The following DHDDS variants were observed in gnomAD, a reference collection of about 807,000 sequenced individuals.
DHDDS encodes the protein dehydrodolichyl diphosphate synthase subunit.
A neutral mutation model predicts 46.2 loss-of-function variants in DHDDS; 16 were observed. The ratio of observed to expected loss-of-function variants is 0.35; its 90% CI spans 0.23 to 0.53. The LOEUF (loss-of-function observed/expected upper bound fraction) is 0.53, where lower values mean the gene tolerates loss of function less well. DHDDS is among the 20% of genes least tolerant of loss of function. DHDDS has a pLI of 0.94. For missense variants in DHDDS, 340 were observed against 423.7 expected (o/e 0.80, Z 1.73); for synonymous variants, 151 against 163.1 (o/e 0.93, Z 0.56).
At position 26,438,159 on chromosome 1, in the gene DHDDS, A is replaced by C. The variant is rs1252758141; in HGVS notation, c.64-9A>C. On this transcript the variant is annotated splice_polypyrimidine_tract_variant and intron_variant, in intron 2 of 8. Coordinates refer to ENST00000236342, the MANE Select transcript of DHDDS (RefSeq NM_205861.3). ...AGACCTGTTCATCATTTGTCTTCCT[A>C]TTCCACAGGCAGGCCCAATGCCGAA... The C allele has an allele frequency of 1.9e-6, 3 of 1,613,372 alleles. No individual in the cohort carries two copies. Among genetic ancestry groups the C allele is most frequent in the Non-Finnish European group, 2.5e-6 (3 of 1,179,478 alleles).
intron 6 of DHDDS, among the ~76,000 whole-genome samples, chr1:26,451,588 C>T (rs2075320995): frequency 1.3e-5 from 2 of 150,378 alleles, no homozygotes; most frequent in Non-Finnish European, 3.0e-5. Flanking sequence ...CCTGAGTAGC[C>T]AGGATTATAG....
Position 26,433,032 on chromosome 1 carries a change from G to A in DHDDS, c.63+24G>A, listed in dbSNP as rs145944731. The A allele has an allele frequency of 4.4e-4, 706 of 1,613,962 alleles. 4 individuals are homozygous for A. The African/African-American group carries it at 8.7e-3, about 20-fold the overall frequency. ...AGGTGAGCAATGGCCCAGAGCACCG[G>A]TTGGCCTTCTGGTCAGTTGGATAAT... On this transcript the variant is annotated intron_variant, in intron 2 of 8. Coordinates refer to ENST00000236342, the MANE Select transcript of DHDDS (RefSeq NM_205861.3).
At chr1:26,455,310 G>A (rs2075360769) in intron 6 of DHDDS, 1 of 516,624 alleles carries the variant, frequency 1.9e-6, no homozygotes, top group Non-Finnish European at 3.5e-6. Flanking sequence ...AGACCATGCT[G>A]CCAAGACAAG....
intron 3 of DHDDS, 25 bp from the exon 4 acceptor site, chr1:26,442,706 A>T: frequency 1.2e-6 from 2 of 1,613,798 alleles, no homozygotes; most frequent in East Asian, 2.2e-5. Context: ...CTTGTATCCT[A>T]GCTCCTTGCC....
At chr1:26,442,421 A>G (rs1447753182) in intron 3 of DHDDS, among the ~76,000 whole-genome samples, 1 of 152,258 alleles carries the variant, frequency 6.6e-6, no homozygotes, top group South Asian at 2.1e-4. Flanking sequence ...TTCCAGTCAC[A>G]TAAGTGCATG....
At chr1:26,464,842 C>T (rs537467042) in intron 8 of DHDDS, among the ~76,000 whole-genome samples, 1 of 152,282 alleles carries the variant, frequency 6.6e-6, no homozygotes, top group African/African-American at 2.4e-5. Flanking sequence ...TGCAGGAAGC[C>T]AGGGCAAGGG....
chr1:26,468,996 TG>T lies in DHDDS; in HGVS notation c.871del (p.Asp291ThrfsTer45), dbSNP rs1479679523. 1 of 1,614,000 alleles carries T rather than the reference TG, an allele frequency of 6.2e-7. No homozygotes were observed. The highest frequency in any genetic ancestry group is 8.5e-7 in the Non-Finnish European group (1 of 1,180,038). On this transcript the variant is annotated frameshift_variant, in exon 9 of 9. Transcript: ENST00000236342. LOFTEE classifies it high-confidence loss of function. ...TGCTGCGAGAGGGGCTCCAAGCCAG[TG>T]GGGACGCCCAGCTCCGAAGGACACG... Reference protein sequence around the residue: ...QLLREGLQASGDAQLRRTRLH... With the variant: ...QLLREGLQASXDAQLRRTRLH...
At chr1:26,446,537 C>A in intron 5 of DHDDS, 105 bp downstream of exon 5, 3 of 1,035,780 alleles carry the variant, frequency 2.9e-6, no homozygotes, top group Non-Finnish European at 4.5e-6. Flanking sequence ...GTGCAAGGGG[C>A]AATGAGAGAG....
At chr1:26,438,066 G>A in intron 2 of DHDDS, 102 bp from the exon 3 acceptor site, 13 of 1,243,004 alleles carry the variant, frequency 1.0e-5, no homozygotes, top group Non-Finnish European at 1.5e-5. Context: ...CTTCGTCAGG[G>A]TTTTCATCAC....
At chr1:26,436,008 C>G (rs1309043389) in intron 2 of DHDDS, among the ~76,000 whole-genome samples, 1 of 152,030 alleles carries the variant, frequency 6.6e-6, no homozygotes, top group African/African-American at 2.4e-5. Context: ...CCTTGGCCTC[C>G]CAAAGTGCTG....
At position 26,433,110 on chromosome 1, in the gene DHDDS, G is replaced by A; in HGVS notation, c.63+102G>A. ...GATGATGTTAAGTGCAATTCATGAT[G>A]TTAAGTGGAATTTAGCAAGGAAACC... On this transcript the variant is annotated intron_variant, in intron 2 of 8. Transcript: ENST00000236342. 3.2e-6 allele frequency: 4 copies of A among 1,269,564 alleles called. No individual in the cohort carries two copies. In the South Asian group the frequency reaches 3.7e-5, roughly 12 times the overall value. The allele number at this position is 1,269,564 out of a possible 1,614,324, so 78.6% of individuals were successfully genotyped here. A position where few individuals can be genotyped will look rare whatever the true frequency, so the allele number is the denominator to read the frequency against.
At chr1:26,462,309 C>A (rs1384116639) in intron 8 of DHDDS, among the ~76,000 whole-genome samples, 2 of 152,114 alleles carry the variant, frequency 1.3e-5, no homozygotes, top group Non-Finnish European at 2.9e-5. Flanking sequence ...ACATGAGCCA[C>A]CATGCCTGGC....
chr1:26,444,300 G>A (rs2075248243), intron 4 of DHDDS, among the ~76,000 whole-genome samples: 1 of 152,168 alleles, frequency 6.6e-6, no homozygotes, highest in South Asian at 2.1e-4. Context: ...GTGGGAATGG[G>A]GTAGGGGGTG....
At chr1:26,441,831 G>A (rs2075221805) in intron 3 of DHDDS, among the ~76,000 whole-genome samples, 1 of 151,588 alleles carries the variant, frequency 6.6e-6, no homozygotes, top group Non-Finnish European at 1.5e-5. Context: ...AGGAGGTGGA[G>A]GTTGTAGTGA....
chr1:26,454,884 C>T (rs1305094779), intron 6 of DHDDS: 1 of 1,595,012 alleles, frequency 6.3e-7, no homozygotes, highest in Non-Finnish European at 8.5e-7. Context: ...TTAAGTTCAG[C>T]ATTACTCTCT....
In DHDDS at chr1:26,469,235, G is replaced by A; in HGVS notation, c.*104G>A. 6.3e-7 allele frequency: 1 copy of A among 1,594,406 alleles called. No individual in the cohort carries two copies. On this transcript the variant is annotated 3_prime_UTR_variant, in exon 9 of 9. Transcript: ENST00000236342. The stretch of plus-strand genomic sequence containing the variant: ...ACCTCCTTTCCTGATAATGAATGGT[G>A]TTCCCTTTGCTTGGCTGGGGAGCCC...
At chr1:26,436,356 A>C (rs866202932) in intron 2 of DHDDS, among the ~76,000 whole-genome samples, 1 of 151,926 alleles carries the variant, frequency 6.6e-6, no homozygotes, top group East Asian at 1.9e-4. Flanking sequence ...ACCTGAGATA[A>C]CACCACCACA....
At chr1:26,445,793 C>T (rs1362072467) in intron 4 of DHDDS, among the ~76,000 whole-genome samples, 2 of 151,992 alleles carry the variant, frequency 1.3e-5, no homozygotes, top group African/African-American at 4.8e-5. Context: ...GAGGCCGAGA[C>T]AGGCAGATCA....
chr1:26,468,706 G>A (rs1235473900), intron 8 of DHDDS, among the ~76,000 whole-genome samples, 189 bp from the exon 9 acceptor site: 2 of 152,108 alleles, frequency 1.3e-5, no homozygotes, highest in Non-Finnish European at 2.9e-5. Flanking sequence ...AATTGCCACT[G>A]CCCTGCCTGT....
Sources: gnomAD v4.1 joint callset for allele counts (sites outside exome capture counted in the v4.1 genomes callset) on GRCh38, gnomAD v4.1.1 for gene constraint, MANE v1.5 for transcripts, NCBI Gene and HGNC (gene_info 2026-07-23, HGNC 2026-07-21) for gene names.